VWA8: variants seen among roughly 807,000 people sequenced by gnomAD.
The protein encoded by VWA8 is von Willebrand factor A domain-containing protein 8.
VWA8 carries 221 observed loss-of-function variants against 241.5 expected under a neutral mutation model. The observed-to-expected ratio is 0.91, with a 90% CI of 0.82 to 1.02. The LOEUF is 1.02. Ranked by LOEUF, VWA8 falls within the 50% of genes least tolerant of loss-of-function variation. VWA8 has a pLI of 0.00. For missense variants in VWA8, 2,322 were observed against 2,328.7 expected (o/e 1.00, Z 0.06); for synonymous variants, 852 against 827.1 (o/e 1.03, Z -0.52).
chr13:41,602,996 T>C (rs1159275780), intron 40 of VWA8, among the ~76,000 whole-genome samples: 1 of 152,188 alleles, frequency 6.6e-6, no homozygotes, highest in East Asian at 1.9e-4. Flanking sequence ...TAAAACTCTT[T>C]CTTGGTATTA....
chr13:41,798,605 G>C (rs1869810428), intron 17 of VWA8, among the ~76,000 whole-genome samples: 1 of 152,088 alleles, frequency 6.6e-6, no homozygotes, highest in Non-Finnish European at 1.5e-5. Context: ...AATGTATGTA[G>C]GTGTTGATTT....
chr13:41,727,240 A>C lies in VWA8; in HGVS notation c.2712T>G (p.Asn904Lys). Residue 904 changes from asparagine to lysine, a missense_variant, in exon 24 of 45, where the codon AAT (asparagine) becomes AAG (lysine). Coordinates refer to ENST00000379310, the MANE Select transcript of VWA8 (RefSeq NM_015058.2). Reference sequence around the variant, plus strand: ...TGCCTAGGAAAGGAAATCCAGGTCTATTTGCCAGAACAATCATCCTAAAAT... The same window carrying C: ...TGCCTAGGAAAGGAAATCCAGGTCTCTTTGCCAGAACAATCATCCTAAAAT... ...HPDFRMIVLA[N>K]RPGFPFLGND... is the part of the protein sequence containing the mutation. 6.4e-7 allele frequency: 1 copy of C among 1,551,710 alleles called. No homozygotes were observed. The highest frequency in any genetic ancestry group is 8.7e-7 in the Non-Finnish European group (1 of 1,147,364).
intron 2 of VWA8, among the ~76,000 whole-genome samples, chr13:41,931,775 A>G (rs566760417): frequency 1.7e-4 from 26 of 152,284 alleles, no homozygotes; most frequent in African/African-American, 6.0e-4. Context: ...ACTGAATGAA[A>G]GTGAAAACAA....
Position 41,680,498 on chromosome 13 carries a change from T to C in VWA8, c.4327+4549A>G, listed in dbSNP as rs112504808. Among the ~76,000 whole-genome samples the C allele has an allele frequency of 9.5e-4, 145 of 152,300 alleles. 4 individuals are homozygous for C. The highest frequency in any genetic ancestry group is 3.2e-3 in the African/African-American group (133 of 41,572). ...CACTTTATATATGTTTGGAATATTT[T>C]AGTAACACTACTTAAACAAAAGAAG... On this transcript the variant is annotated intron_variant, in intron 35 of 44. Coordinates refer to ENST00000379310, the MANE Select transcript of VWA8 (RefSeq NM_015058.2).
chr13:41,617,656 C>T (rs2044630115), intron 37 of VWA8, among the ~76,000 whole-genome samples: 1 of 151,692 alleles, frequency 6.6e-6, no homozygotes, highest in East Asian at 1.9e-4. Context: ...CGCCCTGTGA[C>T]AGGCCCTGGT....
chr13:41,867,003 C>G (rs193119583), intron 10 of VWA8, among the ~76,000 whole-genome samples: 99 of 152,194 alleles, frequency 6.5e-4, no homozygotes, highest in African/African-American at 2.2e-3. Flanking sequence ...ATATACCACA[C>G]GAACCAAAGA....
chr13:41,719,446 C>G, intron 26 of VWA8, 145 bp downstream of exon 26: 1 of 1,471,814 alleles, frequency 6.8e-7, no homozygotes, highest in Non-Finnish European at 9.0e-7. Flanking sequence ...AACTGAAAAG[C>G]AGCCAGCAAA....
chr13:41,745,266 T>A (rs2045596449), intron 21 of VWA8, among the ~76,000 whole-genome samples: 3 of 152,120 alleles, frequency 2.0e-5, no homozygotes, highest in South Asian at 4.1e-4. Context: ...ATTAGGTATT[T>A]CTCCTAATGC....
In VWA8 at chr13:41,726,235, T is replaced by A. The variant is rs147900674; in HGVS notation, c.2758+959A>T. ...ATTTCTTTATCCAGTCCCATTTAGA[T>A]GGATATTAGGGTTGTTTCCATTCTT... On this transcript the variant is annotated intron_variant, in intron 24 of 44. Transcript: ENST00000379310. Among the ~76,000 whole-genome samples, 1,036 of 152,326 alleles carry A rather than the reference T, an allele frequency of 6.8e-3. 13 individuals carry two copies. Among genetic ancestry groups the A allele is most frequent in the African/African-American group, 0.024 (1,004 of 41,580 alleles).
intron 17 of VWA8, among the ~76,000 whole-genome samples, chr13:41,810,921 AT>A (rs1262486666): frequency 6.6e-6 from 1 of 151,962 alleles, no homozygotes; most frequent in Non-Finnish European, 1.5e-5. Flanking sequence ...AAGGATAAAA[AT>A]TTATTTTATT....
In VWA8 at chr13:41,730,363, T is replaced by A. The variant is rs574724636; in HGVS notation, c.2503-686A>T. Among the ~76,000 whole-genome samples the A allele has an allele frequency of 3.3e-5, 5 of 152,182 alleles. No homozygotes were observed. In the East Asian group the frequency reaches 9.7e-4, roughly 29 times the overall value. ...GCCTCATTAAGTAATGGGATGCAAT[T>A]TAATGGTTATGAGTTCACACATGAC... On this transcript the variant is annotated intron_variant, in intron 22 of 44. Coordinates refer to ENST00000379310, the MANE Select transcript of VWA8 (RefSeq NM_015058.2).
At chr13:41,747,086 T>C (rs900102585) in intron 21 of VWA8, among the ~76,000 whole-genome samples, 2 of 152,200 alleles carry the variant, frequency 1.3e-5, no homozygotes, top group East Asian at 3.8e-4. Context: ...TGCGGGCTCT[T>C]TTTTGGTTCC....
intron 24 of VWA8, 120 bp from the exon 25 acceptor site, chr13:41,721,695 C>G: frequency 9.9e-7 from 1 of 1,013,312 alleles, no homozygotes; most frequent in Non-Finnish European, 1.4e-6. Context: ...AAAGCCCATC[C>G]AACAATAGGA....
At chr13:41,818,984 T>C (rs1197417386) in intron 15 of VWA8, among the ~76,000 whole-genome samples, 4 of 152,200 alleles carry the variant, frequency 2.6e-5, no homozygotes, top group African/African-American at 4.8e-5. Context: ...CCAGATCTAC[T>C]AGCTCAAAAA....
In VWA8 at chr13:41,784,034, G is replaced by A. The variant is rs1294850502; in HGVS notation, c.2171-133C>T. 1.9e-5 allele frequency: 12 copies of A among 647,128 alleles called. No homozygotes were observed. The East Asian group carries it at 3.4e-4, about 18-fold the overall frequency. 40.1% of individuals were successfully genotyped at this position (647,128 alleles called of 1,614,324 possible). On this transcript the variant is annotated intron_variant, in intron 18 of 44. Transcript: ENST00000379310. ...ATTTAACATCTAAAGAAATAAGCTG[G>A]AGAGTAGTAATAAAACACCACAGCT... is the stretch of plus-strand genomic sequence containing the variant.
intron 25 of VWA8, among the ~76,000 whole-genome samples, chr13:41,720,292 T>C (rs1288126146): frequency 1.3e-5 from 2 of 152,150 alleles, no homozygotes; most frequent in African/African-American, 4.8e-5. Flanking sequence ...CTCTGAGTCC[T>C]TTCCTGGGTC....
chr13:41,878,593 C>G (rs1001164917), intron 9 of VWA8, among the ~76,000 whole-genome samples: 4 of 152,166 alleles, frequency 2.6e-5, no homozygotes, highest in Non-Finnish European at 5.9e-5. Flanking sequence ...TGTCCATTAA[C>G]TAGCTCTTCA....
intron 42 of VWA8, among the ~76,000 whole-genome samples, chr13:41,586,007 A>G (rs2044415621): frequency 6.6e-6 from 1 of 152,102 alleles, no homozygotes. Context: ...GTTTTAATAC[A>G]TTAGGTAGGA....
At chr13:41,853,738 TC>T (rs1872617441) in intron 12 of VWA8, among the ~76,000 whole-genome samples, 2 of 152,212 alleles carry the variant, frequency 1.3e-5, no homozygotes, top group African/African-American at 4.8e-5. Context: ...TAATCTTGTC[TC>T]TTCACTTATT....
Sources: gnomAD v4.1 joint callset for allele counts (sites outside exome capture counted in the v4.1 genomes callset) on GRCh38, gnomAD v4.1.1 for gene constraint, MANE v1.5 for transcripts, NCBI Gene and HGNC (gene_info 2026-07-23, HGNC 2026-07-21) for gene names.